The following MICOS10 variants were observed in gnomAD, a reference collection of about 807,000 sequenced individuals.
MICOS10 encodes MICOS complex subunit MIC10.
In MICOS10, 5 loss-of-function variants were observed where a neutral mutation model predicts 13.4. The ratio of observed to expected loss-of-function variants is 0.37; its 90% CI spans 0.20 to 0.78. The LOEUF (loss-of-function observed/expected upper bound fraction) is 0.78. Among genes scored for constraint, MICOS10 ranks in the 30% least tolerant of loss-of-function variants. MICOS10 has a pLI of 0.47. For synonymous variants in MICOS10, 35 were observed against 33.6 expected, an observed-to-expected ratio of 1.04 and a Z score of -0.15; for missense variants, 101 against 94.6, an observed-to-expected ratio of 1.07 and a Z score of -0.28.
At chr1:19,611,358 T>G (rs2094860510) in intron 1 of MICOS10, among the ~76,000 whole-genome samples, 1 of 152,168 alleles carries the variant, frequency 6.6e-6, no homozygotes, top group African/African-American at 2.4e-5. Flanking sequence ...AACATATTAC[T>G]GTTTCAATCA....
Position 19,626,574 on chromosome 1 carries a change from T to C in MICOS10, c.*173T>C. ...ACCAAGTCTGTTTCTTGTTTTGTAT[T>C]TTCTCTCTGGAAGTTGTAAGGAGGT... On this transcript the variant is annotated 3_prime_UTR_variant, in exon 4 of 4. Coordinates refer to ENST00000322753, the MANE Select transcript of MICOS10 (RefSeq NM_001032363.4). 1 of 696,944 alleles carries C rather than the reference T, an allele frequency of 1.4e-6. No homozygotes were observed. The allele number at this position is 696,944 out of a possible 1,614,324, so 43.2% of individuals were successfully genotyped here.
chr1:19,602,421 G>C (rs1570466096), intron 1 of MICOS10, among the ~76,000 whole-genome samples: 4 of 152,178 alleles, frequency 2.6e-5, no homozygotes, highest in African/African-American at 9.7e-5. Context: ...TAAATTAACT[G>C]TCAGTAGATC....
rs540530589 is a variant in MICOS10, at chr1:19,616,714, A to G, written c.65-5386A>G. On this transcript the variant is annotated intron_variant, in intron 1 of 3. Transcript: ENST00000322753. ...CTCTGCTGACCTCTCCATGAGGTCTATCCCTTTGTGTAGGAAAGAGCCATG... is the reference window on the plus strand; with the variant it reads ...CTCTGCTGACCTCTCCATGAGGTCTGTCCCTTTGTGTAGGAAAGAGCCATG... Among the ~76,000 whole-genome samples, 7 of 152,352 alleles carry G rather than the reference A, an allele frequency of 4.6e-5. No individual in the cohort carries two copies. The South Asian group carries it at 1.5e-3, about 32-fold the overall frequency.
rs1558350495 is a variant in MICOS10, at chr1:19,627,286, C to G, written c.*885C>G. On this transcript the variant is annotated 3_prime_UTR_variant, in exon 4 of 4. Coordinates refer to ENST00000322753, the MANE Select transcript of MICOS10 (RefSeq NM_001032363.4). ...CGATATACAGAACCCCAGCGCTCAG[C>G]CGTTCTTATTTCTTTTTCCTTATCG... The G allele has an allele frequency of 6.6e-6, 1 of 152,324 alleles. No individual in the cohort carries two copies. The highest frequency in any genetic ancestry group is 2.1e-4 in the South Asian group (1 of 4,824). 9.4% of individuals were successfully genotyped at this position (152,324 alleles called of 1,614,324 possible).
intron 1 of MICOS10, chr1:19,601,024 G>A (rs2094812161): frequency 1.6e-6 from 2 of 1,287,752 alleles, no homozygotes; most frequent in South Asian, 2.5e-5. Flanking sequence ...TGCTTCCAGG[G>A]TTCACCAGGG....
At chr1:19,605,156 A>G (rs72959452) in intron 1 of MICOS10, among the ~76,000 whole-genome samples, 1,806 of 152,274 alleles carry the variant, frequency 0.012, 35 homozygotes, top group African/African-American at 0.041. Flanking sequence ...ATGTTAATGC[A>G]GGAGATTTTA....
At chr1:19,619,482 G>C (rs888754982) in intron 1 of MICOS10, among the ~76,000 whole-genome samples, 1 of 152,158 alleles carries the variant, frequency 6.6e-6, no homozygotes, top group Non-Finnish European at 1.5e-5. Context: ...TTACCAAAAG[G>C]TGGCTTAAGG....
intron 3 of MICOS10, chr1:19,625,487 C>A: frequency 7.8e-7 from 1 of 1,289,418 alleles, no homozygotes; most frequent in Non-Finnish European, 1.0e-6. Flanking sequence ...AGAGTGAGGT[C>A]ATCACAGGGA....
chr1:19,612,967 C>T (rs1288121966), intron 1 of MICOS10, among the ~76,000 whole-genome samples: 2 of 152,194 alleles, frequency 1.3e-5, no homozygotes, highest in East Asian at 1.9e-4. Flanking sequence ...GATCCCTGAC[C>T]TATGAATTGT....
intron 1 of MICOS10, among the ~76,000 whole-genome samples, chr1:19,617,584 G>A (rs1256857612): frequency 6.6e-6 from 1 of 152,054 alleles, no homozygotes; most frequent in Non-Finnish European, 1.5e-5. Context: ...TCATTAATGG[G>A]GCCCTGAGCA....
intron 1 of MICOS10, chr1:19,600,653 G>A (rs2094810616): frequency 3.0e-6 from 1 of 331,114 alleles, no homozygotes; most frequent in Admixed American, 3.8e-5. Context: ...CCAGTCTGGA[G>A]TGCAGTGGTG....
intron 1 of MICOS10, among the ~76,000 whole-genome samples, chr1:19,618,890 A>G (rs1044921573): frequency 1.3e-5 from 2 of 152,240 alleles, no homozygotes; most frequent in African/African-American, 4.8e-5. Context: ...ATCTTGATGT[A>G]AGTTATACAA....
At chr1:19,608,325 C>T in intron 1 of MICOS10, 10 of 1,315,216 alleles carry the variant, frequency 7.6e-6, no homozygotes, top group Non-Finnish European at 9.9e-6. Context: ...GAATCCTCGC[C>T]ATATGCTGCT....
intron 1 of MICOS10, among the ~76,000 whole-genome samples, chr1:19,620,914 G>A (rs1377025252): frequency 6.6e-6 from 1 of 152,090 alleles, no homozygotes; most frequent in Non-Finnish European, 1.5e-5. Flanking sequence ...TTTTCCTTTG[G>A]GGCTTTTGAT....
Position 19,623,554 on chromosome 1 carries a change from C to T in MICOS10, c.193C>T (p.Pro65Ser). The T allele has an allele frequency of 1.2e-6, 2 of 1,612,506 alleles. No individual in the cohort carries two copies. The highest frequency in any genetic ancestry group is 1.7e-6 in the Non-Finnish European group (2 of 1,178,662). The change falls in exon 3 of 4, where the codon CCA becomes TCA. Residue 65 changes from proline (P) to serine (S), a missense_variant. Physicochemically the swap from Pro to Ser is moderately conservative, Grantham distance 74. Coordinates refer to ENST00000322753, the MANE Select transcript of MICOS10 (RefSeq NM_001032363.4). ...CAACTGTCAGCATGATTTCCAGGCT[C>T]CATATCTTCTACATGGAAAATATGT... ...YSNCQHDFQA[P>S]YLLHGKYVKE...
intron 1 of MICOS10, among the ~76,000 whole-genome samples, chr1:19,600,448 C>G (rs888722098): frequency 1.3e-5 from 2 of 152,142 alleles, no homozygotes; most frequent in African/African-American, 4.8e-5. Flanking sequence ...CTCTTTAAAC[C>G]TCATTGGCTG....
chr1:19,623,767 G>A (rs909421443), intron 3 of MICOS10, 184 bp downstream of exon 3: 2 of 544,888 alleles, frequency 3.7e-6, no homozygotes, highest in South Asian at 5.1e-5. Context: ...AGTCTCCCCT[G>A]TGCCTTCAGA....
chr1:19,621,673 C>T (rs775876628), intron 1 of MICOS10, among the ~76,000 whole-genome samples: 8 of 152,130 alleles, frequency 5.3e-5, no homozygotes, highest in Non-Finnish European at 7.3e-5. Flanking sequence ...TTTTATCTTC[C>T]TCAAAAAGTA....
At chr1:19,612,630 C>T (rs756115787) in intron 1 of MICOS10, among the ~76,000 whole-genome samples, 2 of 151,914 alleles carry the variant, frequency 1.3e-5, no homozygotes, top group South Asian at 2.1e-4. Context: ...GGCTGAGGCA[C>T]GAGAATGACT....
Sources: allele counts gnomAD v4.1 joint callset (sites outside exome capture counted in the v4.1 genomes callset), GRCh38; gene constraint gnomAD v4.1.1; transcripts MANE v1.5; gene names NCBI Gene and HGNC (gene_info 2026-07-23, HGNC 2026-07-21).